CMAS: variants seen among roughly 807,000 people sequenced by gnomAD.
The protein encoded by CMAS is cytidine monophosphate N-acetylneuraminic acid synthetase, also known as N-acylneuraminate cytidylyltransferase.
In CMAS, 21 loss-of-function variants were observed where a neutral mutation model predicts 53.4. The observed-to-expected ratio is 0.39, with a 90% confidence interval of 0.28 to 0.57. CMAS has a LOEUF of 0.57. Ranked by LOEUF, CMAS falls within the 20% of genes least tolerant of loss-of-function variation. CMAS has a pLI of 0.56. For synonymous variants in CMAS, 189 were observed against 195.2 expected (o/e 0.97, Z 0.27); for missense variants, 384 against 534.9 (o/e 0.72, Z 2.78).
At chr12:22,048,188 A>G (rs1317601291) in intron 1 of CMAS, among the ~76,000 whole-genome samples, 2 of 152,260 alleles carry the variant, frequency 1.3e-5, no homozygotes, top group Non-Finnish European at 2.9e-5. Flanking sequence ...CCTTAGTCTC[A>G]TAGAGCTTAC....
chr12:22,046,377 C>A lies in CMAS; in HGVS notation c.74C>A (p.Pro25Gln). 6.4e-7 allele frequency: 1 copy of A among 1,566,644 alleles called. No individual in the cohort carries two copies. The highest frequency in any genetic ancestry group is 8.6e-7 in the Non-Finnish European group (1 of 1,157,392). The change falls in exon 1 of 8, where the codon CCG (proline) becomes CAG (glutamine). Residue 25 changes from proline (P) to glutamine (Q), a missense_variant. By Grantham distance (76) the Pro-to-Gln change is moderately conservative. Coordinates refer to ENST00000229329, the MANE Select transcript of CMAS (RefSeq NM_018686.6). The stretch of plus-strand genomic sequence containing the variant: ...GGGCGACCGTCCCGGGGCCGGCCGC[C>A]GAAGCTGCAGCGCAACTCTCGCGGC... Reference protein sequence around the residue: ...PRGRPSRGRPPKLQRNSRGGQ... With the variant: ...PRGRPSRGRPQKLQRNSRGGQ...
chr12:22,050,878 A>G (rs898436137), intron 1 of CMAS, among the ~76,000 whole-genome samples: 2 of 152,006 alleles, frequency 1.3e-5, no homozygotes, highest in Non-Finnish European at 1.5e-5. Flanking sequence ...GGTATGCTTT[A>G]TATACTAGAT....
intron 1 of CMAS, among the ~76,000 whole-genome samples, chr12:22,050,007 G>T (rs1046866091): frequency 6.6e-6 from 1 of 152,152 alleles, no homozygotes. Context: ...AAGTTTTGTG[G>T]CTATGTGCTA....
intron 1 of CMAS, 141 bp from the exon 2 acceptor site, chr12:22,055,008 C>G: frequency 1.9e-6 from 1 of 517,300 alleles, no homozygotes; most frequent in Non-Finnish European, 3.4e-6. Context: ...ATTTTATACT[C>G]CTTTGGATCT....
intron 1 of CMAS, 53 bp from the exon 2 acceptor site, chr12:22,055,096 T>C (rs1363664800): frequency 7.0e-7 from 1 of 1,425,448 alleles, no homozygotes; most frequent in Admixed American, 2.3e-5. Flanking sequence ...CTCCATTTTA[T>C]TGTTAATGAT....
intron 1 of CMAS, among the ~76,000 whole-genome samples, chr12:22,046,772 T>C (rs932227950): frequency 1.3e-5 from 2 of 152,166 alleles, no homozygotes; most frequent in Non-Finnish European, 2.9e-5. Context: ...TAGCTGCCAA[T>C]GGTCATAACC....
rs563874188 is a variant in CMAS at position 22,058,110 on chromosome 12, A to G, written c.560-457A>G. On this transcript the variant is annotated intron_variant, in intron 3 of 7. Coordinates refer to ENST00000229329, the MANE Select transcript of CMAS (RefSeq NM_018686.6). ...CACAGTGCTGGGATTACAGGCGTGAATCACCACATTCAGCCTAAAAAAAGT... is the reference window on the plus strand; with the variant it reads ...CACAGTGCTGGGATTACAGGCGTGAGTCACCACATTCAGCCTAAAAAAAGT... 9.9e-5 allele frequency among the ~76,000 whole-genome samples: 15 copies of G among 151,608 alleles called. 1 individual carries two copies. Among genetic ancestry groups the G allele is most frequent in the South Asian group, 8.4e-4 (4 of 4,786 alleles).
At chr12:22,062,123 C>T (rs1226279365) in intron 6 of CMAS, among the ~76,000 whole-genome samples, 158 bp from the exon 7 acceptor site, 3 of 152,024 alleles carry the variant, frequency 2.0e-5, no homozygotes, top group East Asian at 1.9e-4. Context: ...GATTTTAATT[C>T]GACAGTCAGT....
intron 1 of CMAS, among the ~76,000 whole-genome samples, chr12:22,047,817 A>G (rs1396919156): frequency 6.6e-6 from 1 of 152,220 alleles, no homozygotes; most frequent in Non-Finnish European, 1.5e-5. Flanking sequence ...TGAAGCTCAC[A>G]AACTTTGGGA....
intron 1 of CMAS, among the ~76,000 whole-genome samples, chr12:22,052,193 C>G (rs1014477134): frequency 6.6e-6 from 1 of 152,326 alleles, no homozygotes; most frequent in Non-Finnish European, 1.5e-5. Context: ...CCTCGCTTCT[C>G]TTTTCCTAAT....
chr12:22,057,229 A>ACACACC (rs1418780770), intron 3 of CMAS, among the ~76,000 whole-genome samples: 26 of 130,808 alleles, frequency 2.0e-4, no homozygotes, highest in Non-Finnish European at 3.1e-4. Flanking sequence ...CAGCTATTAC[A>ACACACC]CACACACACA....
chr12:22,057,847 A>C (rs574844174), intron 3 of CMAS, among the ~76,000 whole-genome samples: 25 of 149,444 alleles, frequency 1.7e-4, no homozygotes, highest in Non-Finnish European at 3.6e-4. Context: ...TTTTTGAGAC[A>C]GAGTCTCACT....
intron 1 of CMAS, among the ~76,000 whole-genome samples, chr12:22,053,874 G>T (rs575233224): frequency 1.4e-5 from 2 of 144,240 alleles, no homozygotes; most frequent in African/African-American, 5.2e-5. Context: ...GCGAGACTCC[G>T]TCTCAAAACA....
In CMAS at chr12:22,055,477, T is replaced by A. The variant is rs752885841; in HGVS notation, c.426T>A (p.Ile142=). The change falls in exon 3 of 8, where the codon ATT becomes ATA. Residue 142 remains isoleucine, a synonymous_variant. Transcript: ENST00000229329. ...AAGAGGTTGACATTGTAGGAAATAT[T>A]CAAGCTACTTCTCCATGTTTACATC... is the stretch of plus-strand genomic sequence containing the variant. The part of the protein sequence containing the change: ...YHNEVDIVGN[I]QATSPCLHPT... 57 of 1,599,566 alleles carry A rather than the reference T, an allele frequency of 3.6e-5. No homozygotes were observed. Among genetic ancestry groups the A allele is most frequent in the Non-Finnish European group, 4.4e-5 (52 of 1,176,466 alleles).
At chr12:22,063,821 A>G (rs927933513) in intron 7 of CMAS, 14 of 152,122 alleles carry the variant, frequency 9.2e-5, no homozygotes, top group African/African-American at 3.4e-4. Context: ...CAGGCCAGGC[A>G]TGATGGCTCA....
intron 3 of CMAS, among the ~76,000 whole-genome samples, chr12:22,058,152 T>C (rs11046281): frequency 0.51 from 76,913 of 150,666 alleles, 21,862 homozygotes; most frequent in East Asian, 0.87. Context: ...TCAGGCCGGG[T>C]GCAGTGCCTC....
intron 1 of CMAS, 51 bp from the exon 2 acceptor site, chr12:22,055,098 G>A: frequency 6.9e-7 from 1 of 1,443,464 alleles, no homozygotes; most frequent in Non-Finnish European, 9.4e-7. Flanking sequence ...CCATTTTATT[G>A]TTAATGATTT....
At chr12:22,053,820 A>G (rs956048825) in intron 1 of CMAS, among the ~76,000 whole-genome samples, 4 of 150,428 alleles carry the variant, frequency 2.7e-5, no homozygotes, top group Non-Finnish European at 4.4e-5. Context: ...CGGAGCTTGC[A>G]GTGAGCCGAG....
intron 3 of CMAS, among the ~76,000 whole-genome samples, chr12:22,056,055 T>C (rs1010950163): frequency 9.2e-5 from 14 of 152,214 alleles, no homozygotes; most frequent in Admixed American, 7.9e-4. Context: ...TAGGGTTTAC[T>C]AGGCATTTTG....
Sources: allele counts gnomAD v4.1 joint callset (sites outside exome capture counted in the v4.1 genomes callset), GRCh38; gene constraint gnomAD v4.1.1; transcripts MANE v1.5; gene names NCBI Gene and HGNC (gene_info 2026-07-23, HGNC 2026-07-21).